Variants in DMD observed in about 807,000 individuals in gnomAD.
DMD encodes mutant dystrophin.
A neutral mutation model predicts 330.1 loss-of-function variants in DMD; 63 were observed. The observed-to-expected ratio is 0.19, with a 90% CI of 0.16 to 0.24. The LOEUF (loss-of-function observed/expected upper bound fraction) is 0.24, where lower values mean the gene tolerates loss of function less well. Ranked by LOEUF, DMD falls within the 10% of genes least tolerant of loss-of-function variation. The pLI, the probability that DMD is intolerant of heterozygous loss-of-function variation, is 1.00. For synonymous variants in DMD, 1,223 were observed against 959.8 expected (o/e 1.27, Z -5.07); for missense variants, 3,344 against 2,684.1 (o/e 1.25, Z -5.43).
intron 11 of DMD, among the ~76,000 whole-genome samples, chrX:32,628,258 A>ATTTTTTTTTTTTTTTTTTTTATTTT (rs2058487431): frequency 6.5e-5 from 1 of 15,359 alleles, no homozygotes; most frequent in Non-Finnish European, 1.2e-4. Context: ...AGTTGTTTTA[A>ATTTTTTTTTTTTTTTTTTTTATTTT]TTTTTTTTTT....
At chrX:32,599,436 T>G (rs2055934382) in intron 12 of DMD, among the ~76,000 whole-genome samples, 1 of 111,402 alleles carries the variant, frequency 9.0e-6, no homozygotes, top group African/African-American at 3.3e-5. Context: ...CAAGAGTATT[T>G]AAAAAAAATA....
At chrX:31,707,501 G>A (rs971288579) in intron 52 of DMD, among the ~76,000 whole-genome samples, 2 of 110,628 alleles carry the variant, frequency 1.8e-5, no homozygotes, top group Non-Finnish European at 3.8e-5. Context: ...TTAAAAAAAC[G>A]ACCTATCAGT....
chrX:31,968,213 T>C, intron 45 of DMD, 126 bp downstream of exon 45: 6 of 778,438 alleles, frequency 7.7e-6, no homozygotes, highest in Non-Finnish European at 1.1e-5. Context: ...TGTTGATTAA[T>C]GGTTGATAGG....
At chrX:32,881,129 T>G (rs975829941) in intron 2 of DMD, among the ~76,000 whole-genome samples, 4 of 112,380 alleles carry the variant, frequency 3.6e-5, no homozygotes, top group Non-Finnish European at 7.5e-5. Flanking sequence ...CTAGGAACTG[T>G]AGATGCCAGT....
rs994961220 is a variant in DMD, at chrX:32,562,002, G to T, written c.1992+3700C>A. Among the ~76,000 whole-genome samples, 3 of 111,584 alleles carry T rather than the reference G, an allele frequency of 2.7e-5. No homozygotes were observed. In the East Asian group the frequency reaches 8.4e-4, roughly 31 times the overall value. ...AGACAAGCAAATGTTGATGGAATTC[G>T]TCACTATCGTATTTCATAATTATGA... On this transcript the variant is annotated intron_variant, in intron 16 of 78. Coordinates refer to ENST00000357033, the MANE Select transcript of DMD (RefSeq NM_004006.3).
At chrX:32,408,862 T>A (rs374821582) in intron 30 of DMD, among the ~76,000 whole-genome samples, 1 of 93,179 alleles carries the variant, frequency 1.1e-5, no homozygotes, top group Admixed American at 1.3e-4. Context: ...CTTTTCTTTC[T>A]TTCATCTATC....
chrX:32,608,151 G>C (rs2056883145), intron 12 of DMD, among the ~76,000 whole-genome samples: 2 of 109,719 alleles, frequency 1.8e-5, no homozygotes, highest in South Asian at 7.6e-4. Context: ...TAATCTGATA[G>C]CTAGAAATAC....
chrX:32,587,011 G>A (rs953706379), intron 13 of DMD, among the ~76,000 whole-genome samples: 7 of 110,890 alleles, frequency 6.3e-5, no homozygotes, highest in African/African-American at 2.3e-4. Flanking sequence ...AGGAACTAGA[G>A]CGAAACATCA....
At chrX:32,119,194 G>GA (rs2096624221) in intron 44 of DMD, among the ~76,000 whole-genome samples, 1 of 110,284 alleles carries the variant, frequency 9.1e-6, no homozygotes, top group Non-Finnish European at 1.9e-5. Flanking sequence ...GCAGGGCCTG[G>GA]TGGCGCCAGA....
At chrX:32,924,725 T>C (rs2088804723) in intron 2 of DMD, among the ~76,000 whole-genome samples, 2 of 111,164 alleles carry the variant, frequency 1.8e-5, no homozygotes, top group South Asian at 7.6e-4. Flanking sequence ...CAGTTTACAT[T>C]ACAAACTCTG....
intron 45 of DMD, among the ~76,000 whole-genome samples, chrX:31,963,362 TAGAG>T (rs2095324119): frequency 8.9e-6 from 1 of 112,008 alleles, no homozygotes; most frequent in African/African-American, 3.2e-5. Flanking sequence ...AATTCAGAAG[TAGAG>T]AGGTTTAAAG....
At chrX:31,975,775 A>T (rs1191258304) in intron 44 of DMD, among the ~76,000 whole-genome samples, 1 of 112,288 alleles carries the variant, frequency 8.9e-6, no homozygotes, top group African/African-American at 3.2e-5. Context: ...GAGCCACATA[A>T]ATACTTCTTC....
intron 1 of DMD, among the ~76,000 whole-genome samples, chrX:33,259,013 C>A (rs1335809013): frequency 9.0e-6 from 1 of 110,908 alleles, no homozygotes; most frequent in Non-Finnish European, 1.9e-5. Flanking sequence ...AAATAAAATA[C>A]CTGCTATGAT....
At chrX:31,899,229 GA>G (rs1268433713) in intron 47 of DMD, among the ~76,000 whole-genome samples, 1 of 111,145 alleles carries the variant, frequency 9.0e-6, no homozygotes, top group Admixed American at 9.6e-5. Flanking sequence ...AATTTTATAA[GA>G]AAATGCATTT....
intron 1 of DMD, among the ~76,000 whole-genome samples, chrX:33,107,384 C>A (rs1157002308): frequency 2.1e-5 from 2 of 93,878 alleles, no homozygotes; most frequent in Non-Finnish European, 4.1e-5. Flanking sequence ...TAATACATGC[C>A]AAGAGGGTAG....
intron 45 of DMD, among the ~76,000 whole-genome samples, chrX:31,957,210 T>C (rs2095255718): frequency 9.0e-6 from 1 of 111,690 alleles, no homozygotes; most frequent in Non-Finnish European, 1.9e-5. Context: ...TTGAGCTGGT[T>C]TTCTATCCCT....
intron 55 of DMD, among the ~76,000 whole-genome samples, chrX:31,577,587 A>G: frequency 8.9e-6 from 1 of 112,503 alleles, no homozygotes; most frequent in Admixed American, 9.4e-5. Flanking sequence ...AAGAAAGGCA[A>G]TTAATCTAAG....
At chrX:32,534,250 T>C (rs1302239600) in intron 17 of DMD, among the ~76,000 whole-genome samples, 1 of 111,837 alleles carries the variant, frequency 8.9e-6, no homozygotes, top group Non-Finnish European at 1.9e-5. Flanking sequence ...GCCTCTGGTA[T>C]AGTTTGGATA....
At chrX:31,809,476 A>G (rs1221153568) in intron 50 of DMD, among the ~76,000 whole-genome samples, 1 of 110,000 alleles carries the variant, frequency 9.1e-6, no homozygotes, top group Non-Finnish European at 1.9e-5. Context: ...TTATATTGCA[A>G]TTTAAGTGGG....
Sources: allele counts gnomAD v4.1 joint callset (sites outside exome capture counted in the v4.1 genomes callset), GRCh38; gene constraint gnomAD v4.1.1; transcripts MANE v1.5; gene names NCBI Gene and HGNC (gene_info 2026-07-23, HGNC 2026-07-21).